Variants in ITGAV observed in about 807,000 individuals in gnomAD.
ITGAV encodes the protein integrin subunit alpha V, also known as integrin alpha-V.
ITGAV carries 76 observed loss-of-function variants against 143.8 expected under a neutral mutation model. The ratio of observed to expected loss-of-function variants is 0.53; its 90% CI spans 0.44 to 0.64. The LOEUF (loss-of-function observed/expected upper bound fraction) is 0.64, where lower values mean the gene tolerates loss of function less well. Among genes scored for constraint, ITGAV ranks in the 30% least tolerant of loss-of-function variants. The pLI is 0.00. For missense variants in ITGAV, 1,193 were observed against 1,274.7 expected, an observed-to-expected ratio of 0.94 and a Z score of 0.98; for synonymous variants, 453 against 446.7, an observed-to-expected ratio of 1.01 and a Z score of -0.18.
intron 1 of ITGAV, among the ~76,000 whole-genome samples, chr2:186,594,955 T>C (rs1686707053): frequency 6.6e-6 from 1 of 152,250 alleles, no homozygotes; most frequent in Non-Finnish European, 1.5e-5. Context: ...GGACATATGA[T>C]GTTTCATAGA....
At chr2:186,670,165 A>G (rs1689025373) in intron 26 of ITGAV, among the ~76,000 whole-genome samples, 1 of 152,248 alleles carries the variant, frequency 6.6e-6, no homozygotes, top group Non-Finnish European at 1.5e-5. Context: ...AATAATAATT[A>G]GCACTTGATT....
intron 26 of ITGAV, 117 bp from the exon 27 acceptor site, chr2:186,675,487 A>T: frequency 1.5e-6 from 1 of 687,148 alleles, no homozygotes; most frequent in Non-Finnish European, 2.6e-6. Flanking sequence ...TTCAAGACAG[A>T]AGAATCTGGA....
At chr2:186,623,812 C>A (rs1687598822) in intron 3 of ITGAV, among the ~76,000 whole-genome samples, 1 of 152,094 alleles carries the variant, frequency 6.6e-6, no homozygotes, top group African/African-American at 2.4e-5. Context: ...AAAAATATAT[C>A]TCAACATTTA....
At chr2:186,595,067 A>G (rs564107400) in intron 1 of ITGAV, among the ~76,000 whole-genome samples, 2 of 152,372 alleles carry the variant, frequency 1.3e-5, no homozygotes, top group South Asian at 4.1e-4. Flanking sequence ...GATTCAAAAA[A>G]GCATTTTTTA....
intron 8 of ITGAV, among the ~76,000 whole-genome samples, chr2:186,637,692 C>T (rs1257750341): frequency 2.6e-5 from 4 of 152,146 alleles, no homozygotes; most frequent in African/African-American, 9.7e-5. Flanking sequence ...TAGCCCCCAA[C>T]ACTGTTAGTG....
intron 4 of ITGAV, among the ~76,000 whole-genome samples, 183 bp from the exon 5 acceptor site, chr2:186,630,614 T>A (rs1687790119): frequency 6.6e-6 from 1 of 152,012 alleles, no homozygotes; most frequent in African/African-American, 2.4e-5. Flanking sequence ...CGTATCTGAG[T>A]AAATGGTGCT....
intron 1 of ITGAV, among the ~76,000 whole-genome samples, chr2:186,596,516 C>T (rs992064304): frequency 1.3e-5 from 2 of 148,744 alleles, no homozygotes; most frequent in East Asian, 4.1e-4. Flanking sequence ...GTGGCACAAT[C>T]TTGGCTTGCT....
chr2:186,638,767 C>T (rs1405755626), intron 10 of ITGAV, among the ~76,000 whole-genome samples: 6 of 151,510 alleles, frequency 4.0e-5, no homozygotes, highest in Non-Finnish European at 5.9e-5. Flanking sequence ...TTTCTTAAAA[C>T]TTTCCTTGGC....
chr2:186,636,461 G>A (rs1031734448), intron 7 of ITGAV, among the ~76,000 whole-genome samples: 1 of 152,118 alleles, frequency 6.6e-6, no homozygotes, highest in Admixed American at 6.5e-5. Flanking sequence ...ACTGTGTTCT[G>A]GGCATTGTTC....
chr2:186,628,196 C>T lies in ITGAV; in HGVS notation c.524-2601C>T, dbSNP rs1198852756. ...CTGTTTCATACTTCAATAAATTATG[C>T]AAACGAATAATTGGTTTTATGAGAT... On this transcript the variant is annotated intron_variant, in intron 4 of 29. Coordinates refer to ENST00000261023, the MANE Select transcript of ITGAV (RefSeq NM_002210.5). 3.3e-5 allele frequency among the ~76,000 whole-genome samples: 5 copies of T among 152,134 alleles called. No individual in the cohort carries two copies. In the South Asian group the frequency reaches 1.0e-3, roughly 31 times the overall value.
rs189155119 is a variant in ITGAV at position 186,599,349 on chromosome 2, C to T, written c.186-2672C>T. Among the ~76,000 whole-genome samples, 391 of 152,244 alleles carry T rather than the reference C, an allele frequency of 2.6e-3. 2 individuals are homozygous for T. The highest frequency in any genetic ancestry group is 4.6e-3 in the Admixed American group (70 of 15,284). ...CATTGCCCCTCCTCTTTCGACGCTT[C>T]CCCTGGCTGAATAACCCCAACTGTG... On this transcript the variant is annotated intron_variant, in intron 1 of 29. Transcript: ENST00000261023.
At chr2:186,672,905 A>C (rs923432109) in intron 26 of ITGAV, among the ~76,000 whole-genome samples, 1 of 152,202 alleles carries the variant, frequency 6.6e-6, no homozygotes, top group African/African-American at 2.4e-5. Flanking sequence ...TTTAATGCAC[A>C]AAAATTTTTA....
chr2:186,590,835 A>G (rs1054194236), intron 1 of ITGAV, among the ~76,000 whole-genome samples: 4 of 151,400 alleles, frequency 2.6e-5, no homozygotes, highest in Admixed American at 1.3e-4. Flanking sequence ...GTCTTGCCGG[A>G]CTCCCCGCCT....
At chr2:186,628,345 T>C (rs967155756) in intron 4 of ITGAV, among the ~76,000 whole-genome samples, 7 of 152,242 alleles carry the variant, frequency 4.6e-5, no homozygotes, top group Middle Eastern at 6.8e-3. Flanking sequence ...TTAGTTTGGT[T>C]AATTGGTTTG....
At chr2:186,672,956 G>A (rs1347845374) in intron 26 of ITGAV, among the ~76,000 whole-genome samples, 1 of 152,142 alleles carries the variant, frequency 6.6e-6, no homozygotes, top group Non-Finnish European at 1.5e-5. Flanking sequence ...TTTGTTGCTT[G>A]TAATTTTGTC....
intron 12 of ITGAV, among the ~76,000 whole-genome samples, chr2:186,645,761 A>AT (rs1398509066): frequency 6.6e-6 from 1 of 151,070 alleles, no homozygotes; most frequent in East Asian, 2.0e-4. Context: ...AGGTCAGGAG[A>AT]TCGAGACCAT....
In ITGAV at chr2:186,669,701, A is replaced by G; in HGVS notation, c.2593A>G (p.Ile865Val). Residue 865 changes from isoleucine to valine, a missense_variant and splice_region_variant, in exon 26 of 30, where the codon ATC becomes GTC. Transcript: ENST00000261023. Reference protein sequence around the residue: ...DMEINPLRIKISSLQTTEKND... With the variant: ...DMEINPLRIKVSSLQTTEKND... The stretch of plus-strand genomic sequence containing the variant: ...CATTTTATTAATGTGATTGCATTAG[A>G]TCTCATCTTTGCAAACAACTGAAAA... The G allele has an allele frequency of 6.2e-7, 1 of 1,606,742 alleles. No individual in the cohort carries two copies. Among genetic ancestry groups the G allele is most frequent in the Non-Finnish European group, 8.5e-7 (1 of 1,174,138 alleles).
At chr2:186,611,915 T>A (rs942895507) in intron 2 of ITGAV, among the ~76,000 whole-genome samples, 11 of 152,034 alleles carry the variant, frequency 7.2e-5, no homozygotes, top group African/African-American at 1.2e-4. Flanking sequence ...TGATTTTTTT[T>A]AAAAAAGGTA....
chr2:186,665,096 A>T (rs200176963), intron 20 of ITGAV, 30 bp from the exon 21 acceptor site: 340 of 1,014,254 alleles, frequency 3.4e-4, no homozygotes, highest in Non-Finnish European at 4.2e-4. Context: ...TTTCATATCC[A>T]TTTTTTTTTT....
Sources: allele counts gnomAD v4.1 joint callset (sites outside exome capture counted in the v4.1 genomes callset), GRCh38; gene constraint gnomAD v4.1.1; transcripts MANE v1.5; gene names NCBI Gene and HGNC (gene_info 2026-07-23, HGNC 2026-07-21).